NIPBL: variants seen among roughly 807,000 people sequenced by gnomAD.
NIPBL encodes the protein nipped-B-like protein.
Under a neutral mutation model 321.8 loss-of-function variants are expected in NIPBL, and 19 were observed. The observed-to-expected ratio is 0.06, with a 90% CI of 0.04 to 0.09. The LOEUF (loss-of-function observed/expected upper bound fraction) is 0.09, where lower values mean the gene tolerates loss of function less well. NIPBL is among the 10% of genes least tolerant of loss of function. NIPBL has a pLI of 1.00. For missense variants in NIPBL, 2,210 were observed against 3,327.0 expected, an observed-to-expected ratio of 0.66 and a Z score of 8.26; for synonymous variants, 1,106 against 1,114.1, an observed-to-expected ratio of 0.99 and a Z score of 0.14.
chr5:36,885,659 C>T, intron 1 of NIPBL: 1 of 556,434 alleles, frequency 1.8e-6, no homozygotes, highest in Non-Finnish European at 3.5e-6. Context: ...CATTGTTCTG[C>T]AGATTGACAA....
At chr5:36,945,241 G>T (rs1378601794) in intron 1 of NIPBL, among the ~76,000 whole-genome samples, 1 of 152,040 alleles carries the variant, frequency 6.6e-6, no homozygotes, top group Non-Finnish European at 1.5e-5. Flanking sequence ...GTAGTTTTGT[G>T]TAGTTTGGTA....
Position 37,038,974 on chromosome 5 carries a change from T to A in NIPBL, c.6108+236T>A, listed in dbSNP as rs530096351. Among the ~76,000 whole-genome samples, 10 of 152,308 alleles carry A rather than the reference T, an allele frequency of 6.6e-5. No individual in the cohort carries two copies. The South Asian group carries it at 2.1e-3, about 32-fold the overall frequency. On this transcript the variant is annotated intron_variant, in intron 34 of 46. Coordinates refer to ENST00000282516, the MANE Select transcript of NIPBL (RefSeq NM_133433.4). ...ACCCTCAGTAGATGCTTACTAAATG[T>A]TATAGCTATTGTTAAGATCTCAAAA...
chr5:36,920,596 T>A (rs1243944701), intron 1 of NIPBL, among the ~76,000 whole-genome samples: 1 of 152,190 alleles, frequency 6.6e-6, no homozygotes, highest in Non-Finnish European at 1.5e-5. Context: ...TCTGTTCATA[T>A]CTATTTCAAA....
Position 36,995,772 on chromosome 5 carries a change from A to G in NIPBL, c.3272A>G (p.Asp1091Gly). Reference sequence around the variant, plus strand: ...CCAAAATATGCTGAAATCAGTTCAGATGAAGATAATGATAGTGATGAAGCT... The same window carrying G: ...CCAAAATATGCTGAAATCAGTTCAGGTGAAGATAATGATAGTGATGAAGCT... Reference protein sequence around the residue: ...EKPKYAEISSDEDNDSDEAFE... With the variant: ...EKPKYAEISSGEDNDSDEAFE... The change falls in exon 11 of 47, where the codon GAT becomes GGT. Residue 1091 changes from aspartate to glycine, a missense_variant. Around this residue, in one of 14 missense-constraint regions of NIPBL, gnomAD observed 381 missense variants for 642.3 expected, o/e 0.59. Coordinates refer to ENST00000282516, the MANE Select transcript of NIPBL (RefSeq NM_133433.4). 6.2e-7 allele frequency: 1 copy of G among 1,613,664 alleles called. No homozygotes were observed. The highest frequency in any genetic ancestry group is 8.5e-7 in the Non-Finnish European group (1 of 1,179,648).
intron 1 of NIPBL, among the ~76,000 whole-genome samples, chr5:36,927,109 T>C: frequency 6.6e-6 from 1 of 152,196 alleles, no homozygotes; most frequent in East Asian, 1.9e-4. Flanking sequence ...AACAGTGTAC[T>C]ATCATCTGCT....
intron 1 of NIPBL, among the ~76,000 whole-genome samples, chr5:36,900,416 G>A (rs1747111402): frequency 6.6e-6 from 1 of 152,088 alleles, no homozygotes; most frequent in Non-Finnish European, 1.5e-5. Context: ...TCCCCTCAGG[G>A]CCAAAGGGGA....
intron 14 of NIPBL, 83 bp downstream of exon 14, chr5:37,001,161 G>A (rs1746751624): frequency 3.3e-6 from 3 of 903,134 alleles, no homozygotes; most frequent in Admixed American, 1.8e-5. Context: ...CTCTAGTGAT[G>A]TGTCCTACCT....
rs776280237 is a variant in NIPBL, at chr5:36,985,735, A to G, written c.2555A>G (p.Asn852Ser). 23 of 1,613,794 alleles carry G rather than the reference A, an allele frequency of 1.4e-5. No individual in the cohort carries two copies. The East Asian group carries it at 5.1e-4, about 36-fold the overall frequency. The change falls in exon 10 of 47, where the codon AAT becomes AGT. Residue 852 changes from asparagine to serine, a missense_variant. Coordinates refer to ENST00000282516, the MANE Select transcript of NIPBL (RefSeq NM_133433.4). ...GAAACATTGAGATCCTCTAGTAGAAATGAACATGGCATTAAATCTGATAGT... is the reference window on the plus strand; with the variant it reads ...GAAACATTGAGATCCTCTAGTAGAAGTGAACATGGCATTAAATCTGATAGT... ...RPETLRSSSR[N>S]EHGIKSDSSK...
At chr5:36,999,869 T>G (rs1354734342) in intron 11 of NIPBL, among the ~76,000 whole-genome samples, 2 of 152,190 alleles carry the variant, frequency 1.3e-5, no homozygotes, top group African/African-American at 4.8e-5. Context: ...CGCTGAGTTG[T>G]GGGTTTAACT....
chr5:36,964,494 A>G (rs72734697), intron 6 of NIPBL, among the ~76,000 whole-genome samples: 2,659 of 152,260 alleles, frequency 0.017, 33 homozygotes, highest in Middle Eastern at 0.044. Context: ...AAAATGAGGA[A>G]AGGACAGTCT....
chr5:37,019,806 A>C (rs1749420549), intron 25 of NIPBL, among the ~76,000 whole-genome samples: 1 of 152,232 alleles, frequency 6.6e-6, no homozygotes. Flanking sequence ...TGTATGTTAC[A>C]CAATGTAACC....
At chr5:36,937,153 A>G (rs549060736) in intron 1 of NIPBL, among the ~76,000 whole-genome samples, 88 of 152,258 alleles carry the variant, frequency 5.8e-4, no homozygotes, top group African/African-American at 1.5e-3. Flanking sequence ...TCATTCATTT[A>G]TGTATTACAG....
intron 1 of NIPBL, among the ~76,000 whole-genome samples, chr5:36,950,152 A>G (rs1260735543): frequency 2.6e-5 from 4 of 152,018 alleles, no homozygotes; most frequent in Admixed American, 6.6e-5. Flanking sequence ...AGCAGGCCCA[A>G]GACTATGACT....
At chr5:36,970,850 C>A (rs1742774077) in intron 6 of NIPBL, 26 bp from the exon 7 acceptor site, 1 of 1,595,962 alleles carries the variant, frequency 6.3e-7, no homozygotes, top group Non-Finnish European at 8.6e-7. Context: ...TTTTATTAAA[C>A]CTTTTTTTAT....
chr5:36,917,559 AAATGACATGTCATTTAGT>A (rs1748569083), intron 1 of NIPBL, among the ~76,000 whole-genome samples: 1 of 152,166 alleles, frequency 6.6e-6, no homozygotes, highest in East Asian at 1.9e-4. Context: ...TACATTCGGT[AAATGACATGTCATTTAGT>A]AATGACATGA....
rs755024506 is a variant in NIPBL at position 37,026,226 on chromosome 5, T to C, written c.5710-3T>C. 4 of 1,558,546 alleles carry C rather than the reference T, an allele frequency of 2.6e-6. No individual in the cohort carries two copies. The African/African-American group carries it at 5.4e-5, about 21-fold the overall frequency. On this transcript the variant is annotated splice_polypyrimidine_tract_variant and splice_region_variant and intron_variant, in intron 30 of 46. Transcript: ENST00000282516. ...GTTAATTTGAAATTTCTCTTCCTTC[T>C]AGAAATTAGTAAATGAAACATTCCA...
At chr5:36,888,910 T>C (rs997873603) in intron 1 of NIPBL, among the ~76,000 whole-genome samples, 2 of 152,152 alleles carry the variant, frequency 1.3e-5, no homozygotes, top group African/African-American at 2.4e-5. Flanking sequence ...AGAAGTAATA[T>C]GTGCTATATT....
chr5:37,049,202 G>A lies in NIPBL; in HGVS notation c.6855G>A (p.Gln2285=). 6.2e-7 allele frequency: 1 copy of A among 1,614,054 alleles called. No individual in the cohort carries two copies. The highest frequency in any genetic ancestry group is 8.5e-7 in the Non-Finnish European group (1 of 1,179,950). The change falls in exon 40 of 47, where the codon CAG becomes CAA. Residue 2285 remains glutamine (Q), a synonymous_variant. Transcript: ENST00000282516. Reference sequence around the variant, plus strand: ...CCATCATGCAGCTTTATCTCAAACAGGTGCTTGAGGCATTTTTTCACACCC... The same window carrying A: ...CCATCATGCAGCTTTATCTCAAACAAGTGCTTGAGGCATTTTTTCACACCC... ...SSSIMQLYLK[Q]VLEAFFHTQS...
chr5:36,925,369 A>G (rs1344002357), intron 1 of NIPBL, among the ~76,000 whole-genome samples: 1 of 151,766 alleles, frequency 6.6e-6, no homozygotes, highest in East Asian at 1.9e-4. Flanking sequence ...CCTGGGTTCA[A>G]GTGATTCTCC....
Sources: gnomAD v4.1 joint callset for allele counts (sites outside exome capture counted in the v4.1 genomes callset) on GRCh38, gnomAD v4.1.1 for gene constraint, gnomAD v4.1.1 regional missense constraint, MANE v1.5 for transcripts, NCBI Gene and HGNC (gene_info 2026-07-23, HGNC 2026-07-21) for gene names.